ZNF638: variants seen among roughly 807,000 people sequenced by gnomAD.
ZNF638 encodes the protein CTCL tumor antigen se33-1.
A neutral mutation model predicts 195.6 loss-of-function variants in ZNF638; 46 were observed. The observed-to-expected ratio is 0.24, with a 90% CI of 0.19 to 0.30. The LOEUF (loss-of-function observed/expected upper bound fraction) is 0.30. Ranked by LOEUF, ZNF638 falls within the 10% of genes least tolerant of loss-of-function variation. The pLI is 1.00. For missense variants in ZNF638, 2,440 were observed against 2,325.3 expected (o/e 1.05, Z -1.01); for synonymous variants, 845 against 772.0 (o/e 1.09, Z -1.57).
chr2:71,347,739 A>G (rs573895483), intron 1 of ZNF638, among the ~76,000 whole-genome samples: 52 of 152,328 alleles, frequency 3.4e-4, no homozygotes, highest in African/African-American at 1.3e-3. Flanking sequence ...TGAAGGGGGT[A>G]GTACAGTCTG....
At position 71,366,909 on chromosome 2, in the gene ZNF638, A is replaced by G. The variant is rs533628001; in HGVS notation, c.1995+1203A>G. ...TAATATATTAAAACATCAAGAGACT[A>G]TCTTCAGAGAAAATCCTAATAGGCC... On this transcript the variant is annotated intron_variant, in intron 6 of 27. Coordinates refer to ENST00000264447, the MANE Select transcript of ZNF638 (RefSeq NM_014497.5). Among the ~76,000 whole-genome samples, 49 of 152,302 alleles carry G rather than the reference A, an allele frequency of 3.2e-4. No homozygotes were observed. In the South Asian group the frequency reaches 5.4e-3, roughly 17 times the overall value.
intron 12 of ZNF638, 22 bp from the exon 13 acceptor site, chr2:71,399,537 T>C (rs1200978526): frequency 6.4e-7 from 1 of 1,552,006 alleles, no homozygotes; most frequent in Non-Finnish European, 8.8e-7. Context: ...TTTAGAATAA[T>C]GGCTGACTGT....
Position 71,427,057 on chromosome 2 carries a change from C to G in ZNF638, c.5188C>G (p.Pro1730Ala), listed in dbSNP as rs1303506072. ...GFISSQVPED[P>A]STLVTVDEIQ... ...CATTTCTTCTCAGGTGCCCGAAGAC[C>G]CTTCTACTTTAGTTACTGTAGATGA... Residue 1730 changes from proline to alanine, a missense_variant, in exon 24 of 28, where the codon CCT (proline) becomes GCT (alanine). Coordinates refer to ENST00000264447, the MANE Select transcript of ZNF638 (RefSeq NM_014497.5). 1.2e-6 allele frequency: 2 copies of G among 1,613,846 alleles called. No individual in the cohort carries two copies. Among genetic ancestry groups the G allele is most frequent in the Admixed American group, 1.7e-5 (1 of 60,000 alleles).
At chr2:71,419,958 T>TCTC (rs2080390537) in intron 21 of ZNF638, among the ~76,000 whole-genome samples, 3 of 26,574 alleles carry the variant, frequency 1.1e-4, no homozygotes, top group Non-Finnish European at 1.5e-4. Flanking sequence ...ACTTCTTAAT[T>TCTC]CCCACCCCCC....
rs145999989 is a variant in ZNF638 at position 71,387,814 on chromosome 2, A to G, written c.2377+7249A>G. On this transcript the variant is annotated intron_variant, in intron 10 of 27. Transcript: ENST00000264447. ...TCCTTCCCAATCAGGAAGACATTTGACTACATAAAATGTATTAATGCATAA... is the reference window on the plus strand; with the variant it reads ...TCCTTCCCAATCAGGAAGACATTTGGCTACATAAAATGTATTAATGCATAA... 5.8e-3 allele frequency among the ~76,000 whole-genome samples: 876 copies of G among 152,342 alleles called. 7 individuals are homozygous for G. The highest frequency in any genetic ancestry group is 0.02 in the African/African-American group (832 of 41,580).
In ZNF638 at chr2:71,434,821, A is replaced by T; in HGVS notation, c.*14A>T. The T allele has an allele frequency of 6.3e-7, 1 of 1,583,632 alleles. No individual in the cohort carries two copies. Among genetic ancestry groups the T allele is most frequent in the Non-Finnish European group, 8.6e-7 (1 of 1,168,156 alleles). ...AGCTCTAGGTGATTGGGGGAAAGGAAAGAATTCACTAGAAATTTGTTTAGG... is the reference window on the plus strand; with the variant it reads ...AGCTCTAGGTGATTGGGGGAAAGGATAGAATTCACTAGAAATTTGTTTAGG... On this transcript the variant is annotated 3_prime_UTR_variant, in exon 28 of 28. Coordinates refer to ENST00000264447, the MANE Select transcript of ZNF638 (RefSeq NM_014497.5).
intron 1 of ZNF638, chr2:71,332,756 C>G (rs755492567): frequency 5.3e-4 from 80 of 152,148 alleles, no homozygotes; most frequent in Admixed American, 3.3e-3. Context: ...TTCAGTATTA[C>G]AAAATCATGG....
Position 71,410,983 on chromosome 2 carries a change from T to G in ZNF638, c.3261+2736T>G, listed in dbSNP as rs12619352. On this transcript the variant is annotated intron_variant, in intron 20 of 27. Coordinates refer to ENST00000264447, the MANE Select transcript of ZNF638 (RefSeq NM_014497.5). ...GAAGTTTTTCTCCCCACCCACCACCTCCCCCCCCCTTTTTTTTTTTTTTTT... is the reference window on the plus strand; with the variant it reads ...GAAGTTTTTCTCCCCACCCACCACCGCCCCCCCCCTTTTTTTTTTTTTTTT... 6.2e-4 allele frequency among the ~76,000 whole-genome samples: 30 copies of G among 48,184 alleles called. 1 individual carries two copies. Among genetic ancestry groups the G allele is most frequent in the Admixed American group, 2.5e-3 (9 of 3,652 alleles). 31.6% of individuals were successfully genotyped at this position (48,184 alleles called of 152,430 possible).
At chr2:71,359,695 A>G (rs2079077669) in intron 3 of ZNF638, among the ~76,000 whole-genome samples, 1 of 152,248 alleles carries the variant, frequency 6.6e-6, no homozygotes, top group African/African-American at 2.4e-5. Flanking sequence ...TCTCCACTGC[A>G]AAATAATTTA....
At position 71,350,294 on chromosome 2, in the gene ZNF638, C is replaced by T. The variant is rs373687218; in HGVS notation, c.1317+23C>T. ...AAGGTGAGTGTTTTTAAAAAAAGAT[C>T]ACTGTATAATGATGCTCAGCGCCAG... On this transcript the variant is annotated intron_variant, in intron 2 of 27. Transcript: ENST00000264447. 3 of 1,591,364 alleles carry T rather than the reference C, an allele frequency of 1.9e-6. No individual in the cohort carries two copies. In the African/African-American group the frequency reaches 4.0e-5, roughly 21 times the overall value.
At chr2:71,336,001 G>A (rs970675946) in intron 1 of ZNF638, among the ~76,000 whole-genome samples, 5 of 152,084 alleles carry the variant, frequency 3.3e-5, no homozygotes, top group African/African-American at 1.2e-4. Context: ...GAAAAACTTT[G>A]CTTTTTATAC....
At position 71,418,489 on chromosome 2, in the gene ZNF638, A is replaced by G; in HGVS notation, c.3262-113A>G. On this transcript the variant is annotated intron_variant, in intron 20 of 27. Coordinates refer to ENST00000264447, the MANE Select transcript of ZNF638 (RefSeq NM_014497.5). ...CACTGAAAACTAGCTGCTTTGATACATTTTTAAGGTTTTTTTTTTTGAGCT... is the reference window on the plus strand; with the variant it reads ...CACTGAAAACTAGCTGCTTTGATACGTTTTTAAGGTTTTTTTTTTTGAGCT... 4 of 714,822 alleles carry G rather than the reference A, an allele frequency of 5.6e-6. No individual in the cohort carries two copies. In the South Asian group the frequency reaches 9.3e-5, roughly 17 times the overall value. The allele number at this position is 714,822 out of a possible 1,614,324, so 44.3% of individuals were successfully genotyped here.
intron 8 of ZNF638, chr2:71,375,272 A>G (rs1287031033): frequency 6.6e-6 from 1 of 152,174 alleles, no homozygotes; most frequent in African/African-American, 2.4e-5. Context: ...TCACTAGTGG[A>G]TTGTTAACAA....
chr2:71,424,561 GTT>G lies in ZNF638; in HGVS notation c.4525-81_4525-80del, dbSNP rs150899421. 2.3e-5 allele frequency: 23 copies of G among 1,021,944 alleles called. No individual in the cohort carries two copies. The East Asian group carries it at 5.7e-4, about 25-fold the overall frequency. The allele number at this position is 1,021,944 out of a possible 1,614,324, so 63.3% of individuals were successfully genotyped here. On this transcript the variant is annotated intron_variant, in intron 22 of 27. Transcript: ENST00000264447. ...TGACTGTATTTGGGTAATGTTTACT[GTT>G]TTTTTTTGTTTTTTGTTTTTTTTTC... is the stretch of plus-strand genomic sequence containing the variant.
chr2:71,348,884 T>C lies in ZNF638; in HGVS notation c.-71T>C, dbSNP rs1352212755. On this transcript the variant is annotated 5_prime_UTR_variant, in exon 2 of 28. Coordinates refer to ENST00000264447, the MANE Select transcript of ZNF638 (RefSeq NM_014497.5). The stretch of plus-strand genomic sequence containing the variant: ...AAGACTCAGTTGGCGCTTCAGCAGC[T>C]GAATGCCGTTGCCTCACATGGTTCA... 1.2e-6 allele frequency: 2 copies of C among 1,613,724 alleles called. No homozygotes were observed. The highest frequency in any genetic ancestry group is 4.5e-5 in the East Asian group (2 of 44,900).
chr2:71,367,494 C>T (rs1221114761), intron 6 of ZNF638, among the ~76,000 whole-genome samples: 2 of 142,388 alleles, frequency 1.4e-5, no homozygotes, highest in African/African-American at 2.6e-5. Flanking sequence ...AGTGCAGTGG[C>T]GTGATCTTGG....
At chr2:71,340,994 T>C (rs1304177666) in intron 1 of ZNF638, among the ~76,000 whole-genome samples, 1 of 152,216 alleles carries the variant, frequency 6.6e-6, no homozygotes, top group African/African-American at 2.4e-5. Flanking sequence ...ATCTGATGGA[T>C]TGATTTTTGA....
Position 71,423,171 on chromosome 2 carries a change from TA to T in ZNF638, c.3661del (p.Thr1221GlnfsTer20). ...EKKGAEIINP[K>X]TALLPSDSVF... ...AGAAAGGGGCAGAAATTATTAACCC[TA>T]AAACAGCATTGTTACCATCTGACAG... On this transcript the variant is annotated frameshift_variant, in exon 22 of 28. Transcript: ENST00000264447. LOFTEE classifies it high-confidence loss of function. 6.2e-7 allele frequency: 1 copy of T among 1,614,100 alleles called. No homozygotes were observed. The highest frequency in any genetic ancestry group is 8.5e-7 in the Non-Finnish European group (1 of 1,179,980).
chr2:71,378,526 G>A (rs1175390877), intron 8 of ZNF638, among the ~76,000 whole-genome samples: 1 of 152,098 alleles, frequency 6.6e-6, no homozygotes, highest in African/African-American at 2.4e-5. Context: ...TTATGCACTG[G>A]GAATAGAATA....
Sources: allele counts gnomAD v4.1 joint callset (sites outside exome capture counted in the v4.1 genomes callset), GRCh38; gene constraint gnomAD v4.1.1; transcripts MANE v1.5; gene names NCBI Gene and HGNC (gene_info 2026-07-23, HGNC 2026-07-21).